The following SETD3 variants were observed in gnomAD, a reference collection of about 807,000 sequenced individuals.
SETD3 encodes the protein actin-histidine N-methyltransferase.
A neutral mutation model predicts 63.0 loss-of-function variants in SETD3; 19 were observed. The observed-to-expected ratio is 0.30, with a 90% CI of 0.21 to 0.44. The LOEUF is 0.44. Among genes scored for constraint, SETD3 ranks in the 20% least tolerant of loss-of-function variants. The pLI is 1.00. For missense variants in SETD3, 587 were observed against 728.5 expected (o/e 0.81, Z 2.24); for synonymous variants, 286 against 264.1 (o/e 1.08, Z -0.80).
At chr14:99,476,843 T>C (rs1416823177) in intron 1 of SETD3, among the ~76,000 whole-genome samples, 2 of 152,174 alleles carry the variant, frequency 1.3e-5, no homozygotes, top group South Asian at 2.1e-4. Context: ...TAAACCTAAG[T>C]GTATATTTTA....
Position 99,405,209 on chromosome 14 carries a change from G to T in SETD3, c.1087C>A (p.Pro363Thr). ...KAEVLARAGI[P>T]TSSVFALHFT... The stretch of plus-strand genomic sequence containing the variant: ...AACCGATGTTTTTCTACGTACGTGG[G>T]GATGCCGGCACGAGCCAAGACCTCG... Residue 363 changes from proline to threonine, a missense_variant, in exon 10 of 13, where the codon CCC (proline) becomes ACC (threonine). Coordinates refer to ENST00000331768, the MANE Select transcript of SETD3 (RefSeq NM_032233.3). 1 of 1,612,062 alleles carries T rather than the reference G, an allele frequency of 6.2e-7. No individual in the cohort carries two copies. Among genetic ancestry groups the T allele is most frequent in the Non-Finnish European group, 8.5e-7 (1 of 1,179,456 alleles).
chr14:99,403,083 G>T (rs1282945350), intron 11 of SETD3, among the ~76,000 whole-genome samples: 11 of 152,168 alleles, frequency 7.2e-5, no homozygotes, highest in Admixed American at 5.9e-4. Flanking sequence ...TAGCGACAGG[G>T]TTGCTTATGA....
At chr14:99,463,047 C>T (rs2139786019) in intron 3 of SETD3, among the ~76,000 whole-genome samples, 1 of 152,294 alleles carries the variant, frequency 6.6e-6, no homozygotes, top group Middle Eastern at 3.4e-3. Context: ...AAAAACACAG[C>T]TTAAGGAATA....
chr14:99,403,430 TACACAC>T (rs762669151), intron 11 of SETD3, among the ~76,000 whole-genome samples: 80 of 133,140 alleles, frequency 6.0e-4, no homozygotes, highest in African/African-American at 2.0e-3. Flanking sequence ...CAGCAAAACA[TACACAC>T]ACACACACAC....
chr14:99,457,974 C>G (rs1168332888), intron 6 of SETD3, among the ~76,000 whole-genome samples: 1 of 152,116 alleles, frequency 6.6e-6, no homozygotes, highest in Admixed American at 6.5e-5. Flanking sequence ...ATTAGATATG[C>G]TTTAAGGCTT....
At chr14:99,481,261 C>T (rs1566743500), upstream of SETD3, 17 of 396,174 alleles carry the variant, frequency 4.3e-5, 1 homozygote, top group South Asian at 2.4e-3. Context: ...CAGCCACTGA[C>T]CCGCGGGGCG....
At chr14:99,459,071 G>T in intron 5 of SETD3, 42 bp downstream of exon 5, 1 of 1,449,166 alleles carries the variant, frequency 6.9e-7, no homozygotes, top group Non-Finnish European at 9.5e-7. Context: ...ACATATTTTT[G>T]TCATTTGTGC....
chr14:99,418,221 A>G (rs570433699), intron 6 of SETD3, among the ~76,000 whole-genome samples: 1 of 152,314 alleles, frequency 6.6e-6, no homozygotes, highest in Non-Finnish European at 1.5e-5. Flanking sequence ...AGAAATGACA[A>G]AATATAATTT....
At chr14:99,454,576 T>C (rs544409214) in intron 6 of SETD3, among the ~76,000 whole-genome samples, 1 of 151,858 alleles carries the variant, frequency 6.6e-6, no homozygotes, top group South Asian at 2.1e-4. Flanking sequence ...GGCCTGAGGG[T>C]CAAACACAAA....
intron 8 of SETD3, among the ~76,000 whole-genome samples, chr14:99,408,847 C>T (rs541200193): frequency 2.4e-4 from 37 of 152,130 alleles, no homozygotes; most frequent in Non-Finnish European, 5.1e-4. Context: ...GCACAGGCCT[C>T]GCCCCTCCCT....
In SETD3 at chr14:99,399,741, A is replaced by AATTTTTTTTTTTTTT. The variant is rs1566869064; in HGVS notation, c.1338+357_1338+358insAAAAAAAAAAAAAAT. Among the ~76,000 whole-genome samples, 4 of 127,728 alleles carry AATTTTTTTTTTTTTT rather than the reference A, an allele frequency of 3.1e-5. 2 individuals carry two copies. 83.8% of individuals were successfully genotyped at this position (127,728 alleles called of 152,430 possible). A position where few individuals can be genotyped will look rare whatever the true frequency, so the allele number is the denominator to read the frequency against. On this transcript the variant is annotated intron_variant, in intron 12 of 12. Coordinates refer to ENST00000331768, the MANE Select transcript of SETD3 (RefSeq NM_032233.3). ...GAATTAACAAGAAATCTTTCATTAA[A>AATTTTTTTTTTTTTT]TTTTTTTTTTTTTTTTTTTTTTTTT...
intron 11 of SETD3, among the ~76,000 whole-genome samples, chr14:99,400,990 T>C (rs544716067): frequency 1.3e-5 from 2 of 152,130 alleles, no homozygotes; most frequent in East Asian, 3.9e-4. Flanking sequence ...AAATACAAAA[T>C]TAGCCAGGTA....
In SETD3 at chr14:99,399,741, ATTTTTTTTTTT is replaced by A. The variant is rs150317244; in HGVS notation, c.1338+347_1338+357del. ...GAATTAACAAGAAATCTTTCATTAAATTTTTTTTTTTTTTTTTTTTTTTTTTTGAGACGGAG... is the reference window on the plus strand; with the variant it reads ...GAATTAACAAGAAATCTTTCATTAAATTTTTTTTTTTTTTTTGAGACGGAG... On this transcript the variant is annotated intron_variant, in intron 12 of 12. Transcript: ENST00000331768. Among the ~76,000 whole-genome samples the A allele has an allele frequency of 4.7e-5, 6 of 127,728 alleles. No individual in the cohort carries two copies. In the South Asian group the frequency reaches 7.3e-4, roughly 16 times the overall value. The allele number at this position is 127,728 out of a possible 152,430, so 83.8% of individuals were successfully genotyped here.
At chr14:99,471,912 G>C (rs1284797243) in intron 1 of SETD3, among the ~76,000 whole-genome samples, 1 of 152,094 alleles carries the variant, frequency 6.6e-6, no homozygotes, top group African/African-American at 2.4e-5. Context: ...CCCCACCATA[G>C]CCCACTGAGG....
At chr14:99,422,936 G>C (rs572242220) in intron 6 of SETD3, among the ~76,000 whole-genome samples, 2 of 152,224 alleles carry the variant, frequency 1.3e-5, no homozygotes, top group Non-Finnish European at 2.9e-5. Flanking sequence ...GTGGACACCA[G>C]CAAGTCGCAG....
intron 8 of SETD3, among the ~76,000 whole-genome samples, chr14:99,410,754 C>T (rs1891941283): frequency 6.6e-6 from 1 of 152,214 alleles, no homozygotes; most frequent in Admixed American, 6.5e-5. Flanking sequence ...CCCTTACTTT[C>T]TTTAGCATTT....
At chr14:99,463,159 T>C (rs1296212602) in intron 3 of SETD3, among the ~76,000 whole-genome samples, 1 of 152,254 alleles carries the variant, frequency 6.6e-6, no homozygotes, top group Non-Finnish European at 1.5e-5. Context: ...ATATACACTA[T>C]ATGCACTGTC....
At position 99,398,661 on chromosome 14, in the gene SETD3, A is replaced by T. The variant is rs1891210108; in HGVS notation, c.*18T>A. 2.5e-6 allele frequency: 4 copies of T among 1,606,972 alleles called. No individual in the cohort carries two copies. Among genetic ancestry groups the T allele is most frequent in the Non-Finnish European group, 3.4e-6 (4 of 1,174,888 alleles). On this transcript the variant is annotated 3_prime_UTR_variant, in exon 13 of 13. Transcript: ENST00000331768. ...CAACTCCTGCTCCACTGGATCCCCC[A>T]TCCAGCTTCACCTCGAGCTACTCCT...
chr14:99,477,187 GAAA>G (rs996828768), intron 1 of SETD3, among the ~76,000 whole-genome samples: 2 of 148,818 alleles, frequency 1.3e-5, no homozygotes, highest in African/African-American at 4.9e-5. Context: ...CTTGATAGAA[GAAA>G]AAAAAAATTG....
Sources: allele counts gnomAD v4.1 joint callset (sites outside exome capture counted in the v4.1 genomes callset), GRCh38; gene constraint gnomAD v4.1.1; transcripts MANE v1.5; gene names NCBI Gene and HGNC (gene_info 2026-07-23, HGNC 2026-07-21).